NUP210: variants seen among roughly 807,000 people sequenced by gnomAD.
The protein encoded by NUP210 is nucleoporin 210.
Under a neutral mutation model 196.0 loss-of-function variants are expected in NUP210, and 151 were observed. The observed-to-expected ratio is 0.77, with a 90% confidence interval of 0.67 to 0.88. The LOEUF (loss-of-function observed/expected upper bound fraction) is 0.88. Among genes scored for constraint, NUP210 ranks in the 40% least tolerant of loss-of-function variants. The probability of loss-of-function intolerance (pLI) is 0.00; values close to 1 mark genes in which losing one functional copy is unlikely to be tolerated. For synonymous variants in NUP210, 1,070 were observed against 1,052.7 expected, an observed-to-expected ratio of 1.02 and a Z score of -0.32; for missense variants, 2,314 against 2,493.7, an observed-to-expected ratio of 0.93 and a Z score of 1.53.
chr3:13,413,264 G>A lies in NUP210; in HGVS notation c.167+6796C>T, dbSNP rs1193934385. Among the ~76,000 whole-genome samples the A allele has an allele frequency of 4.0e-5, 6 of 151,294 alleles. No homozygotes were observed. The East Asian group carries it at 7.9e-4, about 20-fold the overall frequency. On this transcript the variant is annotated intron_variant, in intron 1 of 39. Transcript: ENST00000254508. ...GGGCGGATCACGAGGTCAGGAGATC[G>A]AGACCATCCTGGCTAACATGGTGAA...
At chr3:13,388,244 T>C in intron 5 of NUP210, 59 bp downstream of exon 5, 1 of 1,401,654 alleles carries the variant, frequency 7.1e-7, no homozygotes, top group East Asian at 2.4e-5. Flanking sequence ...TATAAGCAGG[T>C]ACCGTCAGCC....
At chr3:13,382,972 C>T (rs369826341) in intron 6 of NUP210, among the ~76,000 whole-genome samples, 4 of 151,744 alleles carry the variant, frequency 2.6e-5, no homozygotes, top group Non-Finnish European at 5.9e-5. Flanking sequence ...ACAGAGAGAC[C>T]GCATCTCTAT....
Position 13,397,388 on chromosome 3 carries a change from C to A in NUP210, c.405G>T (p.Leu135=), listed in dbSNP as rs766400207. 6.2e-7 allele frequency: 1 copy of A among 1,612,068 alleles called. No homozygotes were observed. Among genetic ancestry groups the A allele is most frequent in the Non-Finnish European group, 8.5e-7 (1 of 1,179,276 alleles). The part of the protein sequence containing the change: ...TRELYLEDSP[L]ELKIQALDSE... ...AGTCCAGGGCCTGGATCTTCAGCTC[C>A]AGGGGGGAGTCCTCCAGGTAGAGCT... The change falls in exon 3 of 40, where the codon CTG becomes CTT. Residue 135 remains leucine (L), a synonymous_variant. Transcript: ENST00000254508.
At chr3:13,392,076 C>T (rs1699509579) in intron 3 of NUP210, among the ~76,000 whole-genome samples, 1 of 152,152 alleles carries the variant, frequency 6.6e-6, no homozygotes, top group Non-Finnish European at 1.5e-5. Context: ...TGATGTTCCA[C>T]GCCTGTTCCA....
chr3:13,399,746 TG>T lies in NUP210; in HGVS notation c.282del (p.Ser94ArgfsTer44). On this transcript the variant is annotated frameshift_variant, in exon 2 of 40. Coordinates refer to ENST00000254508, the MANE Select transcript of NUP210 (RefSeq NM_024923.4). LOFTEE classifies it high-confidence loss of function. ...ARLTQPARLT[S>X]IIFAEDITTG... Reference sequence around the variant, plus strand: ...TTACTGATGTCCTCTGCGAAGATGATGCTGGTGAGGCGGGCAGGCTGGGTCA... The same window carrying T: ...TTACTGATGTCCTCTGCGAAGATGATCTGGTGAGGCGGGCAGGCTGGGTCA... 6.2e-7 allele frequency: 1 copy of T among 1,614,168 alleles called. No individual in the cohort carries two copies. The highest frequency in any genetic ancestry group is 8.5e-7 in the Non-Finnish European group (1 of 1,180,012).
intron 28 of NUP210, among the ~76,000 whole-genome samples, chr3:13,333,390 G>C (rs1418536641): frequency 6.6e-6 from 1 of 152,212 alleles, no homozygotes; most frequent in Non-Finnish European, 1.5e-5. Flanking sequence ...ACTGGCCTCT[G>C]ATCAGACCAG....
chr3:13,387,536 A>G lies in NUP210; in HGVS notation c.684+767T>C, dbSNP rs556107032. Among the ~76,000 whole-genome samples the G allele has an allele frequency of 2.0e-5, 3 of 152,374 alleles. 1 individual carries two copies. The highest frequency in any genetic ancestry group is 4.1e-4 in the South Asian group (2 of 4,830). On this transcript the variant is annotated intron_variant, in intron 5 of 39. Transcript: ENST00000254508. ...ATAACTTTCCAGGACTCCCAGATGC[A>G]GCAAACCCACTACAGAGAGTGAATC...
In NUP210 at chr3:13,323,175, G is replaced by T; in HGVS notation, c.4768+134C>A. The T allele has an allele frequency of 1.8e-6, 2 of 1,096,550 alleles. No homozygotes were observed. Among genetic ancestry groups the T allele is most frequent in the Non-Finnish European group, 2.6e-6 (2 of 763,094 alleles). 67.9% of individuals were successfully genotyped at this position (1,096,550 alleles called of 1,614,324 possible). A position where few individuals can be genotyped will look rare whatever the true frequency, so the allele number is the denominator to read the frequency against. On this transcript the variant is annotated intron_variant, in intron 34 of 39. Coordinates refer to ENST00000254508, the MANE Select transcript of NUP210 (RefSeq NM_024923.4). This position sits in a 1 kb window ranked among gnomAD's most constrained non-coding sequence, Gnocchi z 4.3. Reference sequence around the variant, plus strand: ...GAAACGCTGGAAGGAGTGGATGAGTGGGGGCTAAATGCCCTCTCTGGAGTT... The same window carrying T: ...GAAACGCTGGAAGGAGTGGATGAGTTGGGGCTAAATGCCCTCTCTGGAGTT...
At chr3:13,346,070 A>C (rs191079560) in intron 20 of NUP210, among the ~76,000 whole-genome samples, 1 of 152,224 alleles carries the variant, frequency 6.6e-6, no homozygotes, top group Non-Finnish European at 1.5e-5. Context: ...TGCACATTTT[A>C]AACAGAGACA....
chr3:13,407,355 G>C, intron 1 of NUP210, among the ~76,000 whole-genome samples: 1 of 152,110 alleles, frequency 6.6e-6, no homozygotes, highest in Non-Finnish European at 1.5e-5. Flanking sequence ...GATTACTCCT[G>C]CTTGAACCTG....
chr3:13,341,928 G>T (rs1697518500), intron 22 of NUP210, 45 bp from the exon 23 acceptor site: 1 of 1,613,336 alleles, frequency 6.2e-7, no homozygotes, highest in African/African-American at 1.3e-5. Flanking sequence ...ACCACCCCGT[G>T]GGAAAGGCTG....
In NUP210 at chr3:13,371,814, G is replaced by A. The variant is rs757945978; in HGVS notation, c.1786+20C>T. 1.3e-6 allele frequency: 2 copies of A among 1,587,428 alleles called. No individual in the cohort carries two copies. Among genetic ancestry groups the A allele is most frequent in the South Asian group, 2.3e-5 (2 of 87,272 alleles). On this transcript the variant is annotated intron_variant, in intron 13 of 39. Coordinates refer to ENST00000254508, the MANE Select transcript of NUP210 (RefSeq NM_024923.4). The stretch of plus-strand genomic sequence containing the variant: ...GCCCCAATCCCAGTATCTGGCACCT[G>A]CTCAGCAGCGCTGGTTTACCTGGGA...
At position 13,420,120 on chromosome 3, in the gene NUP210, G is replaced by A; in HGVS notation, c.107C>T (p.Pro36Leu). 1.4e-6 allele frequency: 2 copies of A among 1,380,450 alleles called. No individual in the cohort carries two copies. The highest frequency in any genetic ancestry group is 1.5e-5 in the South Asian group (1 of 68,674). The allele number at this position is 1,380,450 out of a possible 1,614,324, so 85.5% of individuals were successfully genotyped here. A position where few individuals can be genotyped will look rare whatever the true frequency, so the allele number is the denominator to read the frequency against. Residue 36 changes from proline (P) to leucine (L), a missense_variant, in exon 1 of 40, where the codon CCC becomes CTC. Coordinates refer to ENST00000254508, the MANE Select transcript of NUP210 (RefSeq NM_024923.4). The surrounding 1 kb of genome is among the most constrained non-coding windows in gnomAD (Gnocchi z 4.8). Reference sequence around the variant, plus strand: ...GTTAACGCGCGTGGCCCGCGTGAAGGGCAGCAGCACTTTGGGGATGTTGAG... The same window carrying A: ...GTTAACGCGCGTGGCCCGCGTGAAGAGCAGCAGCACTTTGGGGATGTTGAG... ...AKLNIPKVLL[P>L]FTRATRVNFT... is the part of the protein sequence containing the mutation.
In NUP210 at chr3:13,375,528, C is replaced by T. The variant is rs773064786; in HGVS notation, c.1407G>A (p.Thr469=). The T allele has an allele frequency of 1.6e-5, 26 of 1,614,026 alleles. No homozygotes were observed. The Admixed American group carries it at 3.2e-4, about 20-fold the overall frequency. The change falls in exon 11 of 40, where the codon ACG becomes ACA. Residue 469 remains threonine (T), a synonymous_variant. Coordinates refer to ENST00000254508, the MANE Select transcript of NUP210 (RefSeq NM_024923.4). ...SILTFPWQPK[T]GAYQYTIRAH... ...CCCTTATTGTGTACTGATAGGCGCC[C>T]GTCTTTGGTTGCCACGGAAATGTCA...
Position 13,353,188 on chromosome 3 carries a change from C to T in NUP210, c.2628+366G>A, listed in dbSNP as rs17038057. On this transcript the variant is annotated intron_variant, in intron 18 of 39. Transcript: ENST00000254508. Reference sequence around the variant, plus strand: ...GCTCCCAAGAGGACAATAGAAGTGCCTCATCCTGGCATTTAGGGACCATGG... The same window carrying T: ...GCTCCCAAGAGGACAATAGAAGTGCTTCATCCTGGCATTTAGGGACCATGG... Among the ~76,000 whole-genome samples the T allele has an allele frequency of 0.017, 2,648 of 152,276 alleles. 116 individuals are homozygous for T. The East Asian group carries it at 0.18, about 10-fold the overall frequency.
rs776041685 is a variant in NUP210 at position 13,327,355 on chromosome 3, G to A, written c.4369C>T (p.Arg1457Cys). ...RTVSVGLTLL[R>C]VWDAEHPGLS... ...CCCGGGTGCTCTGCGTCCCACACAC[G>A]GAGCAGTGTCAGGCCCACGCTGACT... is the stretch of plus-strand genomic sequence containing the variant. Residue 1457 changes from arginine to cysteine, a missense_variant, in exon 32 of 40, where the codon CGT becomes TGT. Coordinates refer to ENST00000254508, the MANE Select transcript of NUP210 (RefSeq NM_024923.4). 26 of 1,613,254 alleles carry A rather than the reference G, an allele frequency of 1.6e-5. No individual in the cohort carries two copies. Among genetic ancestry groups the A allele is most frequent in the Admixed American group, 6.7e-5 (4 of 60,002 alleles).
chr3:13,408,558 G>A (rs1251142565), intron 1 of NUP210, among the ~76,000 whole-genome samples: 3 of 152,174 alleles, frequency 2.0e-5, no homozygotes, highest in Non-Finnish European at 4.4e-5. Context: ...GGGATGCCAA[G>A]GCATGTGGAT....
chr3:13,319,951 G>T lies in NUP210; in HGVS notation c.5195C>A (p.Ala1732Glu). The part of the protein sequence containing the change: ...EVKSGSPAVL[A>E]FAKEKSFGWP... The stretch of plus-strand genomic sequence containing the variant: ...CCCAAAAGACTTCTCCTTTGCGAAT[G>T]CCAGCACGGCCGGGGACCCGGATTT... The change falls in exon 37 of 40, where the codon GCA (alanine) becomes GAA (glutamate). Residue 1732 changes from alanine to glutamate, a missense_variant. Physicochemically the swap from Ala to Glu is moderately radical, Grantham distance 107 (BLOSUM62 -1). Transcript: ENST00000254508. 1.2e-6 allele frequency: 2 copies of T among 1,614,044 alleles called. No individual in the cohort carries two copies. The highest frequency in any genetic ancestry group is 1.7e-6 in the Non-Finnish European group (2 of 1,180,050).
rs1273710939 is a variant in NUP210 at position 13,336,897 on chromosome 3, T to C, written c.3574A>G (p.Ile1192Val). 2 of 1,613,580 alleles carry C rather than the reference T, an allele frequency of 1.2e-6. No individual in the cohort carries two copies. Among genetic ancestry groups the C allele is most frequent in the Non-Finnish European group, 1.7e-6 (2 of 1,179,788 alleles). The change falls in exon 27 of 40, where the codon ATC (isoleucine) becomes GTC (valine). Residue 1192 changes from isoleucine (I) to valine (V), a missense_variant. Ile to Val is a conservative substitution (Grantham distance 29). Coordinates refer to ENST00000254508, the MANE Select transcript of NUP210 (RefSeq NM_024923.4). The stretch of plus-strand genomic sequence containing the variant: ...GAGAAAGGGTTCTGGTGGTTGGTGA[T>C]GCCGGTGACATAGATGGGCATCTGC... ...GTQMPIYVTGITNHQNPFSFG... is the reference protein window; with the variant it reads ...GTQMPIYVTGVTNHQNPFSFG...
Sources: gnomAD v4.1 joint callset for allele counts (sites outside exome capture counted in the v4.1 genomes callset) on GRCh38, gnomAD v4.1.1 for gene constraint, Gnocchi (gnomAD v3.1) non-coding constraint, MANE v1.5 for transcripts, NCBI Gene and HGNC (gene_info 2026-07-23, HGNC 2026-07-21) for gene names.